SLCO1B3: variants seen among roughly 807,000 people sequenced by gnomAD.
SLCO1B3 encodes solute carrier organic anion transporter family member 1B3, also known as liver-specific organic anion transporter 2.
Under a neutral mutation model 71.8 loss-of-function variants are expected in SLCO1B3, and 72 were observed. The ratio of observed to expected loss-of-function variants is 1.00; its 90% CI spans 0.83 to 1.22. The LOEUF (loss-of-function observed/expected upper bound fraction) is 1.22. Ranked by LOEUF, SLCO1B3 falls within the 50% of genes most tolerant of loss-of-function variation. The probability of loss-of-function intolerance (pLI) is 0.00; values close to 1 mark genes in which losing one functional copy is unlikely to be tolerated. For missense variants in SLCO1B3, 911 were observed against 819.7 expected (o/e 1.11, Z -1.36); for synonymous variants, 298 against 278.4 (o/e 1.07, Z -0.70).
intron 4 of SLCO1B3, among the ~76,000 whole-genome samples, chr12:20,855,465 T>G (rs1408669556): frequency 1.3e-5 from 2 of 151,720 alleles, no homozygotes; most frequent in African/African-American, 2.4e-5. Flanking sequence ...TGAAAAACTC[T>G]GGTCCTACAC....
chr12:20,816,001 T>C (rs577248265), intron 3 of SLCO1B3, among the ~76,000 whole-genome samples, 179 bp downstream of exon 3: 3 of 152,362 alleles, frequency 2.0e-5, no homozygotes, highest in East Asian at 1.9e-4. Flanking sequence ...TTTAATCTGA[T>C]TGAAGTTATT....
intron 3 of SLCO1B3, among the ~76,000 whole-genome samples, chr12:20,838,098 T>A (rs566256281): frequency 2.2e-4 from 33 of 152,050 alleles, no homozygotes; most frequent in African/African-American, 5.3e-4. Context: ...CCTTTTTTTT[T>A]AAATCAATTT....
chr12:20,816,401 C>T (rs1301103966), intron 3 of SLCO1B3, among the ~76,000 whole-genome samples: 6 of 152,098 alleles, frequency 3.9e-5, no homozygotes, highest in Non-Finnish European at 8.8e-5. Flanking sequence ...TCACTGTGTC[C>T]ATGAATTCAA....
At chr12:20,893,639 G>C (rs1027877481) in intron 13 of SLCO1B3, among the ~76,000 whole-genome samples, 1 of 152,164 alleles carries the variant, frequency 6.6e-6, no homozygotes, top group Non-Finnish European at 1.5e-5. Flanking sequence ...GAACAAGAAA[G>C]TGAAAGGGCT....
intron 3 of SLCO1B3, among the ~76,000 whole-genome samples, chr12:20,840,334 A>G (rs575572004): frequency 1.3e-5 from 2 of 152,018 alleles, no homozygotes; most frequent in Admixed American, 6.5e-5. Context: ...AAGCTTAGGT[A>G]TCAGTCTTTG....
intron 3 of SLCO1B3, among the ~76,000 whole-genome samples, chr12:20,847,211 G>A (rs1182160761): frequency 5.2e-5 from 5 of 96,876 alleles, no homozygotes; most frequent in East Asian, 6.9e-4. Context: ...TACCAAAGGT[G>A]GAAGAATTAA....
At chr12:20,821,530 T>C (rs1286400143) in intron 3 of SLCO1B3, among the ~76,000 whole-genome samples, 2 of 151,232 alleles carry the variant, frequency 1.3e-5, no homozygotes, top group Non-Finnish European at 2.9e-5. Flanking sequence ...TTTCTTGCCC[T>C]CCAGAAAAGC....
intron 6 of SLCO1B3, among the ~76,000 whole-genome samples, chr12:20,861,704 T>C (rs1201840134): frequency 6.6e-6 from 1 of 150,440 alleles, no homozygotes; most frequent in Non-Finnish European, 1.5e-5. Flanking sequence ...AATATAAGTA[T>C]AATTTTAACC....
intron 9 of SLCO1B3, among the ~76,000 whole-genome samples, chr12:20,876,602 C>T (rs964036429): frequency 2.0e-5 from 3 of 151,964 alleles, no homozygotes; most frequent in Non-Finnish European, 4.4e-5. Flanking sequence ...ATTTCAGCTG[C>T]GTTGGTAGCT....
Position 20,884,221 on chromosome 12 carries a change from A to C in SLCO1B3, c.1682+619A>C, listed in dbSNP as rs117309110. On this transcript the variant is annotated intron_variant, in intron 13 of 15. Transcript: ENST00000381545. ...TAAGGTACTTGTTTTCTCACAGCTT[A>C]GAAAATGACAAGACTGATGTGAGAC... Among the ~76,000 whole-genome samples, 601 of 152,336 alleles carry C rather than the reference A, an allele frequency of 3.9e-3. 9 individuals carry two copies. Among genetic ancestry groups the C allele is most frequent in the East Asian group, 0.026 (137 of 5,188 alleles).
In SLCO1B3 at chr12:20,916,409, A is replaced by G. The variant is rs927285525; in HGVS notation, c.*162A>G. ...ATGGTTAGGATATAGCTATGCCTTTATGGTTAAGATTAGAATATATGATCC... is the reference window on the plus strand; with the variant it reads ...ATGGTTAGGATATAGCTATGCCTTTGTGGTTAAGATTAGAATATATGATCC... On this transcript the variant is annotated 3_prime_UTR_variant, in exon 16 of 16. Transcript: ENST00000381545. 5 of 589,282 alleles carry G rather than the reference A, an allele frequency of 8.5e-6. No individual in the cohort carries two copies. Among genetic ancestry groups the G allele is most frequent in the Middle Eastern group, 4.7e-4 (1 of 2,114 alleles). 36.5% of individuals were successfully genotyped at this position (589,282 alleles called of 1,614,324 possible).
chr12:20,811,237 C>T (rs748555787), intron 1 of SLCO1B3, among the ~76,000 whole-genome samples: 10 of 152,122 alleles, frequency 6.6e-5, no homozygotes, highest in Non-Finnish European at 1.5e-4. Flanking sequence ...ACCTCACTTT[C>T]CTCCATTCAA....
At chr12:20,903,391 A>G (rs144492528) in intron 15 of SLCO1B3, among the ~76,000 whole-genome samples, 6 of 152,304 alleles carry the variant, frequency 3.9e-5, no homozygotes, top group African/African-American at 9.6e-5. Context: ...TTAGTAATCA[A>G]TGTATTAGTC....
At chr12:20,871,237 A>G (rs1254806997) in intron 8 of SLCO1B3, among the ~76,000 whole-genome samples, 2 of 152,106 alleles carry the variant, frequency 1.3e-5, no homozygotes, top group African/African-American at 4.8e-5. Flanking sequence ...ATTTTTTGGA[A>G]TGGTTTGAAT....
At chr12:20,875,608 AT>A in intron 9 of SLCO1B3, 131 bp downstream of exon 9, 1 of 953,638 alleles carries the variant, frequency 1.0e-6, no homozygotes, top group South Asian at 1.6e-5. Context: ...TAGCTGAATT[AT>A]TTTTTCTAAA....
chr12:20,845,599 T>C lies in SLCO1B3; in HGVS notation c.85-9429T>C, dbSNP rs1591757964. Reference sequence around the variant, plus strand: ...GAAATAAAGAAAATATGTTTGGAGGTGCCTGAATATGAAAAAAAAAATTGA... The same window carrying C: ...GAAATAAAGAAAATATGTTTGGAGGCGCCTGAATATGAAAAAAAAAATTGA... On this transcript the variant is annotated intron_variant, in intron 3 of 15. Coordinates refer to ENST00000381545, the MANE Select transcript of SLCO1B3 (RefSeq NM_019844.4). 3.5e-5 allele frequency among the ~76,000 whole-genome samples: 5 copies of C among 144,552 alleles called. No individual in the cohort carries two copies. The South Asian group carries it at 1.2e-3, about 35-fold the overall frequency. The allele number at this position is 144,552 out of a possible 152,430, so 94.8% of individuals were successfully genotyped here.
intron 4 of SLCO1B3, among the ~76,000 whole-genome samples, chr12:20,857,941 C>G (rs1006425236): frequency 1.3e-5 from 2 of 152,072 alleles, no homozygotes; most frequent in Non-Finnish European, 2.9e-5. Flanking sequence ...TTTAAGCTCC[C>G]TATTTCCATA....
chr12:20,906,090 A>G lies in SLCO1B3; in HGVS notation c.1865+4623A>G, dbSNP rs947215629. Among the ~76,000 whole-genome samples, 18 of 152,236 alleles carry G rather than the reference A, an allele frequency of 1.2e-4. No individual in the cohort carries two copies. In the East Asian group the frequency reaches 1.4e-3, roughly 11 times the overall value. On this transcript the variant is annotated intron_variant, in intron 15 of 15. Coordinates refer to ENST00000381545, the MANE Select transcript of SLCO1B3 (RefSeq NM_019844.4). ...GTGGGAAATCCACCCCCATGATCCA[A>G]TCACCTCCCACCAGGCCCCTTCTCC...
Position 20,815,706 on chromosome 12 carries a change from T to G in SLCO1B3, c.-33T>G. 3.1e-6 allele frequency: 4 copies of G among 1,279,312 alleles called. No homozygotes were observed. The highest frequency in any genetic ancestry group is 2.1e-4 in the Middle Eastern group (1 of 4,734). The allele number at this position is 1,279,312 out of a possible 1,614,324, so 79.2% of individuals were successfully genotyped here. On this transcript the variant is annotated 5_prime_UTR_variant, in exon 3 of 16. In the 5' UTR this introduces an upstream ATG that the reference lacks. Transcript: ENST00000381545. ...TTTCAAACCAAGCATCAGCAACAAT[T>G]AAAAATATTCACTTGGTATCTGTAG...
Sources: allele counts gnomAD v4.1 joint callset (sites outside exome capture counted in the v4.1 genomes callset), GRCh38; gene constraint gnomAD v4.1.1; transcripts MANE v1.5; gene names NCBI Gene and HGNC (gene_info 2026-07-23, HGNC 2026-07-21).